FAR1: variants seen among roughly 807,000 people sequenced by gnomAD.
FAR1 encodes fatty acyl-CoA reductase 1.
A neutral mutation model predicts 61.1 loss-of-function variants in FAR1; 22 were observed. The ratio of observed to expected loss-of-function variants is 0.36; its 90% CI spans 0.26 to 0.51. The LOEUF is 0.51. Among genes scored for constraint, FAR1 ranks in the 20% least tolerant of loss-of-function variants. The pLI is 0.95. For synonymous variants in FAR1, 206 were observed against 209.7 expected, an observed-to-expected ratio of 0.98 and a Z score of 0.15; for missense variants, 359 against 626.9, an observed-to-expected ratio of 0.57 and a Z score of 4.56.
intron 3 of FAR1, among the ~76,000 whole-genome samples, chr11:13,702,732 G>A (rs1848390168): frequency 6.6e-6 from 1 of 152,140 alleles, no homozygotes; most frequent in Non-Finnish European, 1.5e-5. Flanking sequence ...TTGGCTAATG[G>A]TAGTATAGTC....
chr11:13,683,701 G>A lies in FAR1; in HGVS notation c.-7-11058G>A, dbSNP rs565120649. On this transcript the variant is annotated intron_variant, in intron 1 of 11. Coordinates refer to ENST00000354817, the MANE Select transcript of FAR1 (RefSeq NM_032228.6). ...AGCTTCATTGGTAGGTTTTGACTTT[G>A]AATTTGTTTACTTGCAGAAGGCACA... is the stretch of plus-strand genomic sequence containing the variant. Among the ~76,000 whole-genome samples the A allele has an allele frequency of 7.2e-5, 11 of 152,170 alleles. No homozygotes were observed. The South Asian group carries it at 2.3e-3, about 32-fold the overall frequency.
intron 10 of FAR1, 102 bp from the exon 11 acceptor site, chr11:13,727,454 A>T (rs575395021): frequency 9.7e-7 from 1 of 1,028,292 alleles, no homozygotes; most frequent in South Asian, 1.8e-5. Context: ...GAATTTTGTA[A>T]TTATGTCACT....
intron 1 of FAR1, among the ~76,000 whole-genome samples, chr11:13,678,344 A>G (rs1848089611): frequency 6.6e-6 from 1 of 152,124 alleles, no homozygotes; most frequent in Non-Finnish European, 1.5e-5. Context: ...CGCTCACTGC[A>G]AGCTCCGCCT....
intron 5 of FAR1, 113 bp downstream of exon 5, chr11:13,710,983 T>C (rs1174668174): frequency 3.3e-6 from 3 of 895,586 alleles, no homozygotes; most frequent in Non-Finnish European, 5.1e-6. Context: ...TAAAGGTGAA[T>C]TACCATGGCA....
rs1430183566 is a variant in FAR1 at position 13,728,973 on chromosome 11, C to A, written c.*199C>A. The A allele has an allele frequency of 4.4e-6, 2 of 453,484 alleles. No individual in the cohort carries two copies. The highest frequency in any genetic ancestry group is 7.8e-6 in the Non-Finnish European group (2 of 256,724). 28.1% of individuals were successfully genotyped at this position (453,484 alleles called of 1,614,324 possible). On this transcript the variant is annotated 3_prime_UTR_variant, in exon 12 of 12. Transcript: ENST00000354817. ...TAGTGAACACACTGTGTTATGCCAGCTCAAATCTACAGTAGCCACCAAAAC... is the reference window on the plus strand; with the variant it reads ...TAGTGAACACACTGTGTTATGCCAGATCAAATCTACAGTAGCCACCAAAAC...
intron 1 of FAR1, among the ~76,000 whole-genome samples, chr11:13,677,106 G>A (rs763726242): frequency 2.0e-5 from 3 of 152,042 alleles, no homozygotes; most frequent in Non-Finnish European, 4.4e-5. Flanking sequence ...TCAGTATTTG[G>A]AGAAGGAAGT....
At chr11:13,708,179 T>TA in intron 4 of FAR1, 100 bp downstream of exon 4, 1 of 739,630 alleles carries the variant, frequency 1.4e-6, no homozygotes, top group South Asian at 3.4e-5. Flanking sequence ...CAGGCCAACA[T>TA]AGTGAAACCC....
Position 13,721,503 on chromosome 11 carries a change from TTGC to T in FAR1, c.1128-219_1128-217del. The T allele has an allele frequency of 4.9e-6, 2 of 409,868 alleles. No homozygotes were observed. Among genetic ancestry groups the T allele is most frequent in the Non-Finnish European group, 8.6e-6 (2 of 231,420 alleles). 25.4% of individuals were successfully genotyped at this position (409,868 alleles called of 1,614,324 possible). ...TCTGTTTAGGTGGTATTAAATGCAT[TTGC>T]TGCTGCTTTCAAAAAAAATTTGTTT... is the stretch of plus-strand genomic sequence containing the variant. On this transcript the variant is annotated intron_variant, in intron 9 of 11. Coordinates refer to ENST00000354817, the MANE Select transcript of FAR1 (RefSeq NM_032228.6). The surrounding 1 kb of genome is among the most constrained non-coding windows in gnomAD (Gnocchi z 4.2).
chr11:13,680,164 A>C (rs1848111709), intron 1 of FAR1, among the ~76,000 whole-genome samples: 2 of 152,220 alleles, frequency 1.3e-5, no homozygotes, highest in Non-Finnish European at 2.9e-5. Flanking sequence ...AGGAAAAAGG[A>C]ACCCACTGTT....
At chr11:13,703,544 G>T (rs1848399201) in intron 3 of FAR1, among the ~76,000 whole-genome samples, 1 of 152,202 alleles carries the variant, frequency 6.6e-6, no homozygotes, top group Non-Finnish European at 1.5e-5. Context: ...TATTTGCAAA[G>T]TGCATATGGT....
intron 9 of FAR1, among the ~76,000 whole-genome samples, chr11:13,719,286 C>T (rs1848584707): frequency 6.6e-6 from 1 of 152,132 alleles, no homozygotes; most frequent in African/African-American, 2.4e-5. Context: ...AGATCCTTGA[C>T]CTCCGGGAGC....
intron 1 of FAR1, among the ~76,000 whole-genome samples, chr11:13,691,814 GTGC>G (rs1425947158): frequency 6.6e-6 from 1 of 152,168 alleles, no homozygotes; most frequent in Non-Finnish European, 1.5e-5. Flanking sequence ...ATCGTGAGCA[GTGC>G]TGCTATAGAT....
intron 1 of FAR1, among the ~76,000 whole-genome samples, chr11:13,675,151 T>A (rs1325496368): frequency 1.3e-5 from 2 of 151,802 alleles, no homozygotes; most frequent in African/African-American, 4.8e-5. Context: ...CATATAAATA[T>A]ATTTTGAGAC....
chr11:13,692,623 T>C (rs1848262729), intron 1 of FAR1, among the ~76,000 whole-genome samples: 1 of 152,228 alleles, frequency 6.6e-6, no homozygotes, highest in Non-Finnish European at 1.5e-5. Flanking sequence ...CTATTTCTTA[T>C]TGGTATACAG....
intron 5 of FAR1, chr11:13,711,183 T>C: frequency 3.0e-6 from 1 of 328,762 alleles, no homozygotes; most frequent in Non-Finnish European, 5.5e-6. Context: ...TTCCAGGAGG[T>C]AGACCCCTTC....
At chr11:13,713,128 G>A in intron 8 of FAR1, 95 bp downstream of exon 8, 1 of 1,021,350 alleles carries the variant, frequency 9.8e-7, no homozygotes. Context: ...AGGCATTAAG[G>A]CCACTGAGTT....
intron 10 of FAR1, chr11:13,723,397 C>CT (rs777285403): frequency 9.7e-5 from 35 of 359,672 alleles, no homozygotes; most frequent in South Asian, 6.4e-4. Context: ...CAAAAAAAAA[C>CT]TTTTTTATTT....
chr11:13,726,258 G>C (rs980334799), intron 10 of FAR1, among the ~76,000 whole-genome samples: 1 of 151,878 alleles, frequency 6.6e-6, no homozygotes. Flanking sequence ...ATTTACCAGC[G>C]TAACTGTCCT....
At chr11:13,678,409 T>A (rs1348085682) in intron 1 of FAR1, among the ~76,000 whole-genome samples, 1 of 151,836 alleles carries the variant, frequency 6.6e-6, no homozygotes, top group Non-Finnish European at 1.5e-5. Context: ...GGACTACAGA[T>A]GCCTGCCACC....
Sources: gnomAD v4.1 joint callset for allele counts (sites outside exome capture counted in the v4.1 genomes callset) on GRCh38, gnomAD v4.1.1 for gene constraint, Gnocchi (gnomAD v3.1) non-coding constraint, MANE v1.5 for transcripts, NCBI Gene and HGNC (gene_info 2026-07-23, HGNC 2026-07-21) for gene names.